GNAQ: variants seen among roughly 807,000 people sequenced by gnomAD.
The protein encoded by GNAQ is guanine nucleotide-binding protein G(q) subunit alpha.
Under a neutral mutation model 43.9 loss-of-function variants are expected in GNAQ, and 8 were observed. The observed-to-expected ratio is 0.18, with a 90% CI of 0.11 to 0.33. The LOEUF (loss-of-function observed/expected upper bound fraction) is 0.33. Among genes scored for constraint, GNAQ ranks in the 10% least tolerant of loss-of-function variants. GNAQ has a pLI of 1.00. For missense variants in GNAQ, 158 were observed against 450.8 expected (o/e 0.35, Z 5.88); for synonymous variants, 155 against 170.7 (o/e 0.91, Z 0.71).
chr9:78,030,909 GTGTGTGTGTGTC>G (rs1458917221), intron 1 of GNAQ, among the ~76,000 whole-genome samples, 179 bp downstream of exon 1: 6 of 151,698 alleles, frequency 4.0e-5, no homozygotes, highest in Non-Finnish European at 7.4e-5. Flanking sequence ...GTGTGTGTGT[GTGTGTGTGTGTC>G]TGTGTGTAAC....
chr9:77,753,522 T>C (rs900606160), intron 5 of GNAQ, among the ~76,000 whole-genome samples: 1 of 152,238 alleles, frequency 6.6e-6, no homozygotes, highest in African/African-American at 2.4e-5. Flanking sequence ...AGCTTCTTTT[T>C]AGTTAGTGAA....
intron 5 of GNAQ, among the ~76,000 whole-genome samples, chr9:77,760,163 C>T (rs559594217): frequency 1.4e-5 from 2 of 147,648 alleles, no homozygotes; most frequent in African/African-American, 5.0e-5. Context: ...TAATGTTATA[C>T]CCACCTCTAT....
chr9:77,889,239 C>A (rs1221012392), intron 2 of GNAQ, among the ~76,000 whole-genome samples: 1 of 150,960 alleles, frequency 6.6e-6, no homozygotes, highest in Non-Finnish European at 1.5e-5. Context: ...ATGGCAAAAT[C>A]CCATCTTTTA....
chr9:77,725,139 G>C (rs1825378691), intron 6 of GNAQ, among the ~76,000 whole-genome samples: 1 of 151,398 alleles, frequency 6.6e-6, no homozygotes, highest in Non-Finnish European at 1.5e-5. Flanking sequence ...CAAGTTCACT[G>C]AAGTGTACTT....
chr9:77,923,457 C>T (rs1454673341), intron 1 of GNAQ, among the ~76,000 whole-genome samples: 2 of 152,054 alleles, frequency 1.3e-5, no homozygotes, highest in South Asian at 2.1e-4. Flanking sequence ...GGGAAGAAGA[C>T]AAGACAGAAA....
chr9:77,825,895 G>C (rs1258473611), intron 2 of GNAQ, among the ~76,000 whole-genome samples: 1 of 152,028 alleles, frequency 6.6e-6, no homozygotes, highest in African/African-American at 2.4e-5. Flanking sequence ...AGATATAAGA[G>C]GCCTAAATGT....
intron 5 of GNAQ, among the ~76,000 whole-genome samples, chr9:77,784,790 G>C (rs1169960580): frequency 6.6e-6 from 1 of 152,110 alleles, no homozygotes; most frequent in Non-Finnish European, 1.5e-5. Context: ...CAGATCAACA[G>C]AAAACTGACA....
In GNAQ at chr9:77,949,745, T is replaced by C. The variant is rs377608885; in HGVS notation, c.137-27400A>G. Among the ~76,000 whole-genome samples the C allele has an allele frequency of 4.8e-4, 73 of 152,312 alleles. 1 individual carries two copies. In the South Asian group the frequency reaches 0.014, roughly 30 times the overall value. ...TTCATTTTATTTTTAAAGGGAAATATTAGAGATTCACATGCACATTCTCCT... is the reference window on the plus strand; with the variant it reads ...TTCATTTTATTTTTAAAGGGAAATACTAGAGATTCACATGCACATTCTCCT... On this transcript the variant is annotated intron_variant, in intron 1 of 6. Transcript: ENST00000286548.
chr9:77,748,262 A>G (rs1419829034), intron 5 of GNAQ, among the ~76,000 whole-genome samples: 1 of 152,230 alleles, frequency 6.6e-6, no homozygotes, highest in African/African-American at 2.4e-5. Context: ...TTTAGGTAGT[A>G]TCTTTTTGAA....
intron 2 of GNAQ, among the ~76,000 whole-genome samples, chr9:77,867,772 C>T (rs1169372543): frequency 2.0e-5 from 3 of 152,186 alleles, no homozygotes; most frequent in Admixed American, 2.0e-4. Flanking sequence ...TGAGGTTGCA[C>T]ACCATTAAGA....
intron 5 of GNAQ, among the ~76,000 whole-genome samples, chr9:77,780,586 T>A (rs898799982): frequency 1.3e-5 from 2 of 151,980 alleles, no homozygotes; most frequent in Non-Finnish European, 2.9e-5. Flanking sequence ...GGTGCAGATC[T>A]CTCTGATATA....
At chr9:78,007,209 A>T (rs1362252011) in intron 1 of GNAQ, among the ~76,000 whole-genome samples, 1 of 152,222 alleles carries the variant, frequency 6.6e-6, no homozygotes, top group Non-Finnish European at 1.5e-5. Flanking sequence ...GCATGCAAAT[A>T]AAAGAATTGA....
chr9:77,995,529 T>G (rs1318690717), intron 1 of GNAQ, among the ~76,000 whole-genome samples: 1 of 152,162 alleles, frequency 6.6e-6, no homozygotes, highest in Non-Finnish European at 1.5e-5. Flanking sequence ...GGTGTCATGT[T>G]GCCCAGGCTT....
In GNAQ at chr9:77,991,658, G is replaced by T. The variant is rs552283212; in HGVS notation, c.136+39442C>A. On this transcript the variant is annotated intron_variant, in intron 1 of 6. Transcript: ENST00000286548. ...TAGAGGTGATTTCTGAGATTTTGGT[G>T]CACCCATCACCCAAGCAGTGTACAC... Among the ~76,000 whole-genome samples, 8 of 152,128 alleles carry T rather than the reference G, an allele frequency of 5.3e-5. No individual in the cohort carries two copies. In the East Asian group the frequency reaches 1.6e-3, roughly 30 times the overall value.
chr9:77,825,390 C>A (rs1026427170), intron 2 of GNAQ, among the ~76,000 whole-genome samples: 1 of 152,110 alleles, frequency 6.6e-6, no homozygotes, highest in East Asian at 1.9e-4. Context: ...GCCCACTGAC[C>A]CTACTCACAG....
intron 5 of GNAQ, among the ~76,000 whole-genome samples, chr9:77,779,452 AAAG>A (rs1242706769): frequency 6.6e-6 from 1 of 151,894 alleles, no homozygotes; most frequent in Non-Finnish European, 1.5e-5. Flanking sequence ...AAATATTAGA[AAAG>A]AAGAAAGATC....
rs1347992069 is a variant in GNAQ at position 77,719,865 on chromosome 9, T to C, written c.*1458A>G. On this transcript the variant is annotated 3_prime_UTR_variant, in exon 7 of 7. Transcript: ENST00000286548. ...TACTTTTGAGTTAAGTCCACAAATCTTCCATAAGTTCAACCTAATCAGTTA... is the reference window on the plus strand; with the variant it reads ...TACTTTTGAGTTAAGTCCACAAATCCTCCATAAGTTCAACCTAATCAGTTA... 2 of 232,414 alleles carry C rather than the reference T, an allele frequency of 8.6e-6. No individual in the cohort carries two copies. Among genetic ancestry groups the C allele is most frequent in the Non-Finnish European group, 1.7e-5 (2 of 117,644 alleles). The allele number at this position is 232,414 out of a possible 1,614,324, so 14.4% of individuals were successfully genotyped here.
intron 1 of GNAQ, among the ~76,000 whole-genome samples, chr9:77,925,924 T>A (rs904450168): frequency 1.3e-5 from 2 of 152,184 alleles, no homozygotes; most frequent in Non-Finnish European, 2.9e-5. Context: ...CTTTAAAACA[T>A]CTCTAAATTA....
intron 5 of GNAQ, among the ~76,000 whole-genome samples, chr9:77,762,013 G>A (rs1364003185): frequency 2.1e-4 from 26 of 122,256 alleles, no homozygotes; most frequent in African/African-American, 4.1e-4. Context: ...CTGCCCGGCC[G>A]CCCCTCCTGG....
Sources: allele counts gnomAD v4.1 joint callset (sites outside exome capture counted in the v4.1 genomes callset), GRCh38; gene constraint gnomAD v4.1.1; transcripts MANE v1.5; gene names NCBI Gene and HGNC (gene_info 2026-07-23, HGNC 2026-07-21).